Variants in AGT observed in about 807,000 individuals in gnomAD.
The protein encoded by AGT is alpha-1 antiproteinase, antitrypsin.
AGT carries 26 observed loss-of-function variants against 28.1 expected under a neutral mutation model. The observed-to-expected ratio is 0.92, with a 90% CI of 0.68 to 1.28. The LOEUF (loss-of-function observed/expected upper bound fraction) is 1.28, where lower values mean the gene tolerates loss of function less well. AGT is among the 50% of genes most tolerant of loss of function. The pLI is 0.00. For missense variants in AGT, 596 were observed against 592.3 expected, an observed-to-expected ratio of 1.01 and a Z score of -0.06; for synonymous variants, 259 against 259.6, an observed-to-expected ratio of 1.00 and a Z score of 0.02.
At chr1:230,720,927 C>T (rs1663831637) in intron 1 of AGT, among the ~76,000 whole-genome samples, 1 of 152,216 alleles carries the variant, frequency 6.6e-6, no homozygotes, top group Non-Finnish European at 1.5e-5. Flanking sequence ...TTCAGCACAG[C>T]CTCATTCATT....
intron 1 of AGT, among the ~76,000 whole-genome samples, chr1:230,724,515 C>T (rs563568046): frequency 6.6e-6 from 1 of 152,098 alleles, no homozygotes; most frequent in South Asian, 2.1e-4. Flanking sequence ...TTTCACCAAT[C>T]GAAAACTGAT....
Position 230,710,024 on chromosome 1 carries a change from A to G in AGT, c.800T>C (p.Leu267Pro). The G allele has an allele frequency of 6.2e-7, 1 of 1,614,202 alleles. No individual in the cohort carries two copies. Among genetic ancestry groups the G allele is most frequent in the Non-Finnish European group, 8.5e-7 (1 of 1,180,048 alleles). Residue 267 changes from leucine to proline, a missense_variant, in exon 2 of 5, where the codon CTG becomes CCG. By Grantham distance (98) the Leu-to-Pro change is moderately conservative. Transcript: ENST00000366667. ...SLMGASVDSTLAFNTYVHFQG... is the reference protein window; with the variant it reads ...SLMGASVDSTPAFNTYVHFQG... ...GAAGTGGACGTAGGTGTTGAAAGCC[A>G]GGGTGCTGTCCACACTGGCTCCCAT...
chr1:230,714,919 C>T (rs1663699018), upstream of AGT, among the ~76,000 whole-genome samples: 1 of 152,102 alleles, frequency 6.6e-6, no homozygotes. Flanking sequence ...TGACAGAGAC[C>T]TTGGTGAGAG....
rs545776678 is a variant in AGT, at chr1:230,708,748, T to A, written c.829+1247A>T. The stretch of plus-strand genomic sequence containing the variant: ...TGCCGAGCTGCTCCCTGAGCACGTG[T>A]TCCCGTGACTGTGTGCCTGGACTCT... On this transcript the variant is annotated intron_variant, in intron 2 of 4. Coordinates refer to ENST00000366667, the MANE Select transcript of AGT (RefSeq NM_001384479.1). Among the ~76,000 whole-genome samples the A allele has an allele frequency of 5.9e-5, 9 of 152,262 alleles. No individual in the cohort carries two copies. The South Asian group carries it at 1.9e-3, about 32-fold the overall frequency.
Position 230,704,213 on chromosome 1 carries a change from C to T in AGT, c.1222G>A (p.Asp408Asn). 6.2e-7 allele frequency: 1 copy of T among 1,614,224 alleles called. No homozygotes were observed. Among genetic ancestry groups the T allele is most frequent in the Non-Finnish European group, 8.5e-7 (1 of 1,180,046 alleles). ...CATACCTCCCCCACCCTGATGCGGT[C>T]ATTGCTCAATTTTTGCAGGTTCAGC... is the stretch of plus-strand genomic sequence containing the variant. ...TELNLQKLSN[D>N]RIRVGEVLNS... The change falls in exon 4 of 5, where the codon GAC (aspartate) becomes AAC (asparagine). Residue 408 changes from aspartate (D) to asparagine (N), a missense_variant. Physicochemically the swap from Asp to Asn is conservative, Grantham distance 23. Coordinates refer to ENST00000366667, the MANE Select transcript of AGT (RefSeq NM_001384479.1).
At chr1:230,710,917 C>T (rs1663572789) in intron 1 of AGT, 64 bp from the exon 2 acceptor site, 25 of 1,560,518 alleles carry the variant, frequency 1.6e-5, no homozygotes, top group Non-Finnish European at 2.2e-5. Context: ...GCCATCTAAC[C>T]AGATCTTTCA....
intron 1 of AGT, among the ~76,000 whole-genome samples, chr1:230,731,139 A>G (rs1174881592): frequency 6.6e-6 from 1 of 152,204 alleles, no homozygotes; most frequent in Non-Finnish European, 1.5e-5. Context: ...CGAAAGCCAA[A>G]TGGAGTTCAT....
At chr1:230,744,852 C>G (rs1664314863) in intron 1 of AGT, among the ~76,000 whole-genome samples, 1 of 152,206 alleles carries the variant, frequency 6.6e-6, no homozygotes, top group African/African-American at 2.4e-5. Context: ...AAATTTACTT[C>G]AAGGTCCTTT....
intron 2 of AGT, among the ~76,000 whole-genome samples, chr1:230,706,997 C>A (rs1212837318): frequency 6.6e-6 from 1 of 152,200 alleles, no homozygotes; most frequent in Non-Finnish European, 1.5e-5. Flanking sequence ...GCCACGCAGG[C>A]CCCGGAAACG....
chr1:230,710,449 G>A lies in AGT; in HGVS notation c.375C>T (p.Leu125=), dbSNP rs11557885. Residue 125 remains leucine, a synonymous_variant, in exon 2 of 5, where the codon CTC becomes CTT. Transcript: ENST00000366667. ...GGGTGCCAAAGACAGCCGTTGGGGA[G>A]AGGACGGTGGCCCCATGGACCACGC... The part of the protein sequence containing the change: ...LWGVVHGATV[L]SPTAVFGTLA... 1 of 1,614,124 alleles carries A rather than the reference G, an allele frequency of 6.2e-7. No individual in the cohort carries two copies. Among genetic ancestry groups the A allele is most frequent in the Non-Finnish European group, 8.5e-7 (1 of 1,180,044 alleles).
At position 230,702,866 on chromosome 1, in the gene AGT, G is replaced by T; in HGVS notation, c.*275C>A. Reference sequence around the variant, plus strand: ...AACAGTAGTCCCGCGCTAAACACTGGTTCTTGCCTCCCCACCCCCATTCTC... The same window carrying T: ...AACAGTAGTCCCGCGCTAAACACTGTTTCTTGCCTCCCCACCCCCATTCTC... On this transcript the variant is annotated 3_prime_UTR_variant, in exon 5 of 5. Transcript: ENST00000366667. 1 of 496,120 alleles carries T rather than the reference G, an allele frequency of 2.0e-6. No individual in the cohort carries two copies. The highest frequency in any genetic ancestry group is 3.6e-6 in the Non-Finnish European group (1 of 275,440). 30.7% of individuals were successfully genotyped at this position (496,120 alleles called of 1,614,324 possible). A position where few individuals can be genotyped will look rare whatever the true frequency, so the allele number is the denominator to read the frequency against.
chr1:230,706,207 T>C lies in AGT; in HGVS notation c.830-7A>G. ...GAGAAGCCCTTCATCTTCCCTGAAATCCAGACAGGAGACAGGGAGGGAAGA... is the reference window on the plus strand; with the variant it reads ...GAGAAGCCCTTCATCTTCCCTGAAACCCAGACAGGAGACAGGGAGGGAAGA... On this transcript the variant is annotated splice_polypyrimidine_tract_variant and splice_region_variant and intron_variant, in intron 2 of 4. Transcript: ENST00000366667. 1 of 1,612,496 alleles carries C rather than the reference T, an allele frequency of 6.2e-7. No homozygotes were observed. Among genetic ancestry groups the C allele is most frequent in the Non-Finnish European group, 8.5e-7 (1 of 1,179,198 alleles).
chr1:230,739,599 G>T (rs1327418883), intron 1 of AGT, among the ~76,000 whole-genome samples: 1 of 152,078 alleles, frequency 6.6e-6, no homozygotes, highest in East Asian at 1.9e-4. Context: ...GAGCTTCCGG[G>T]GTAATTACGG....
intron 3 of AGT, among the ~76,000 whole-genome samples, chr1:230,705,421 G>A (rs1476878762): frequency 6.6e-6 from 1 of 152,204 alleles, no homozygotes; most frequent in Non-Finnish European, 1.5e-5. Context: ...AATTGCAGCA[G>A]GAAAGAGGAG....
chr1:230,710,155 A>G lies in AGT; in HGVS notation c.669T>C (p.Pro223=), dbSNP rs56010258. 2,626 of 1,614,122 alleles carry G rather than the reference A, an allele frequency of 1.6e-3. 5 individuals carry two copies. Among genetic ancestry groups the G allele is most frequent in the Non-Finnish European group, 2.1e-3 (2,508 of 1,180,028 alleles). The change falls in exon 2 of 5, where the codon CCT becomes CCC. Residue 223 remains proline, a synonymous_variant. Transcript: ENST00000366667. ...AGTCCAGAGAGCGTGGGAGGACCAC[A>G]GGGGTATAGAGAGCCAGGCCCTGCA... ...PFVQGLALYT[P]VVLPRSLDFT... is the part of the protein sequence containing the mutation.
At chr1:230,714,838 A>G (rs1300700111), upstream of AGT, among the ~76,000 whole-genome samples, 2 of 152,192 alleles carry the variant, frequency 1.3e-5, no homozygotes, top group African/African-American at 2.4e-5. Flanking sequence ...GTTTCACATG[A>G]CCAGTAAAAG....
At position 230,710,793 on chromosome 1, in the gene AGT, T is replaced by G. The variant is rs13306155; in HGVS notation, c.31A>C (p.Thr11Pro). 1.8e-5 allele frequency: 29 copies of G among 1,614,014 alleles called. No homozygotes were observed. In the East Asian group the frequency reaches 6.0e-4, roughly 33 times the overall value. The stretch of plus-strand genomic sequence containing the variant: ...GCCCAGGCCAGGAGGCAGAGGATGG[T>G]GGCCCTCAGGCTCACACCGGCAGGA... MAPAGVSLRA[T>P]ILCLLAWAGL... The change falls in exon 2 of 5, where the codon ACC becomes CCC. Residue 11 changes from threonine (T) to proline (P), a missense_variant. Coordinates refer to ENST00000366667, the MANE Select transcript of AGT (RefSeq NM_001384479.1).
intron 1 of AGT, among the ~76,000 whole-genome samples, chr1:230,744,707 G>A (rs1280588050): frequency 1.3e-5 from 2 of 152,154 alleles, no homozygotes; most frequent in Non-Finnish European, 2.9e-5. Flanking sequence ...CCAATACATA[G>A]ATAAGTCCCA....
At chr1:230,730,103 T>C (rs957333703) in intron 1 of AGT, among the ~76,000 whole-genome samples, 1 of 152,108 alleles carries the variant, frequency 6.6e-6, no homozygotes, top group Non-Finnish European at 1.5e-5. Context: ...GTATTTTTAG[T>C]AGAGACAGGG....
Sources: gnomAD v4.1 joint callset for allele counts (sites outside exome capture counted in the v4.1 genomes callset) on GRCh38, gnomAD v4.1.1 for gene constraint, MANE v1.5 for transcripts, NCBI Gene and HGNC (gene_info 2026-07-23, HGNC 2026-07-21) for gene names.